VAV3: variants seen among roughly 807,000 people sequenced by gnomAD.
VAV3 encodes vav guanine nucleotide exchange factor 3, also known as guanine nucleotide exchange factor VAV3.
Under a neutral mutation model 131.2 loss-of-function variants are expected in VAV3, and 94 were observed. The ratio of observed to expected loss-of-function variants is 0.72; its 90% CI spans 0.61 to 0.85. The LOEUF (loss-of-function observed/expected upper bound fraction) is 0.85, where lower values mean the gene tolerates loss of function less well. Among genes scored for constraint, VAV3 ranks in the 40% least tolerant of loss-of-function variants. The probability of loss-of-function intolerance (pLI) is 0.00; values close to 1 mark genes in which losing one functional copy is unlikely to be tolerated. For missense variants in VAV3, 939 were observed against 1,002.7 expected, an observed-to-expected ratio of 0.94 and a Z score of 0.86; for synonymous variants, 349 against 342.0, an observed-to-expected ratio of 1.02 and a Z score of -0.22.
intron 25 of VAV3, among the ~76,000 whole-genome samples, chr1:107,579,672 T>C (rs1260061716): frequency 1.3e-5 from 2 of 152,256 alleles, no homozygotes; most frequent in Non-Finnish European, 2.9e-5. Context: ...CTGTTCTAAA[T>C]ACTGCCTCAC....
chr1:107,615,831 C>CAA, intron 21 of VAV3, among the ~76,000 whole-genome samples: 1 of 151,028 alleles, frequency 6.6e-6, no homozygotes, highest in Non-Finnish European at 1.5e-5. Context: ...TATAATTGGC[C>CAA]AAAAAAAATT....
chr1:107,728,488 G>A (rs1329111894), intron 15 of VAV3, among the ~76,000 whole-genome samples: 1 of 152,050 alleles, frequency 6.6e-6, no homozygotes, highest in Admixed American at 6.5e-5. Flanking sequence ...AATAGCAGGA[G>A]TGAGGGTGGG....
At chr1:107,612,733 T>G (rs759903824) in intron 21 of VAV3, among the ~76,000 whole-genome samples, 2 of 152,154 alleles carry the variant, frequency 1.3e-5, no homozygotes, top group Non-Finnish European at 2.9e-5. Context: ...TGGCTTTCCT[T>G]AAAGTTTATA....
intron 17 of VAV3, among the ~76,000 whole-genome samples, chr1:107,699,418 G>C (rs1659952289): frequency 6.6e-6 from 1 of 152,250 alleles, no homozygotes; most frequent in African/African-American, 2.4e-5. Flanking sequence ...TGGCGTTGCA[G>C]GGTACAGCCC....
chr1:107,828,983 C>T (rs1668129261), intron 2 of VAV3, among the ~76,000 whole-genome samples: 1 of 152,158 alleles, frequency 6.6e-6, no homozygotes, highest in Non-Finnish European at 1.5e-5. Flanking sequence ...CTATTTTATG[C>T]AGGTGAGTAA....
At chr1:107,934,082 A>T (rs993158174) in intron 1 of VAV3, among the ~76,000 whole-genome samples, 1 of 152,202 alleles carries the variant, frequency 6.6e-6, no homozygotes, top group African/African-American at 2.4e-5. Flanking sequence ...TTTAATTCTA[A>T]TCCAAGAAAT....
intron 18 of VAV3, among the ~76,000 whole-genome samples, chr1:107,684,750 A>C (rs1235945392): frequency 6.6e-6 from 1 of 152,224 alleles, no homozygotes; most frequent in East Asian, 1.9e-4. Context: ...TGTGAATGAA[A>C]GGAAAATTTT....
intron 1 of VAV3, among the ~76,000 whole-genome samples, chr1:107,877,837 C>T (rs1670576606): frequency 6.6e-6 from 1 of 152,096 alleles, no homozygotes; most frequent in South Asian, 2.1e-4. Flanking sequence ...CAAAATTTGA[C>T]TAAATTAGTG....
intron 2 of VAV3, among the ~76,000 whole-genome samples, chr1:107,844,960 G>A (rs1026038429): frequency 2.6e-5 from 4 of 152,164 alleles, no homozygotes; most frequent in African/African-American, 9.7e-5. Flanking sequence ...CTCTGCTAAG[G>A]GACAGACTGC....
chr1:107,766,870 G>C (rs563804335), intron 7 of VAV3, among the ~76,000 whole-genome samples: 9 of 152,032 alleles, frequency 5.9e-5, no homozygotes, highest in African/African-American at 2.2e-4. Context: ...CATGCAGATG[G>C]GAAACAGCAA....
At chr1:107,785,494 C>T (rs778937478) in intron 2 of VAV3, 4 of 1,320,436 alleles carry the variant, frequency 3.0e-6, no homozygotes, top group African/African-American at 3.1e-5. Flanking sequence ...CAGGCAGCTG[C>T]ATGCTAGAGC....
chr1:107,573,692 CATTCTTTCCAATTTACATCAG>C (rs1268390945), intron 26 of VAV3, among the ~76,000 whole-genome samples: 2 of 152,150 alleles, frequency 1.3e-5, no homozygotes, highest in African/African-American at 2.4e-5. Context: ...TACTATGTCC[CATTCTTTCCAATTTACATCAG>C]CAGTTCTTAT....
At chr1:107,656,878 T>C (rs1474605659) in intron 19 of VAV3, among the ~76,000 whole-genome samples, 2 of 151,708 alleles carry the variant, frequency 1.3e-5, no homozygotes, top group Non-Finnish European at 2.9e-5. Flanking sequence ...GCCTAACTTC[T>C]GACCTCAGCA....
At chr1:107,856,939 T>A (rs1669499890) in intron 2 of VAV3, among the ~76,000 whole-genome samples, 1 of 152,174 alleles carries the variant, frequency 6.6e-6, no homozygotes, top group Non-Finnish European at 1.5e-5. Context: ...CTTGGCAGGC[T>A]GAGGCAGGAG....
intron 2 of VAV3, among the ~76,000 whole-genome samples, chr1:107,855,232 C>G (rs1389245388): frequency 6.6e-6 from 1 of 151,938 alleles, no homozygotes; most frequent in Non-Finnish European, 1.5e-5. Context: ...TACTGTCTGT[C>G]ACAAAAAAGG....
intron 2 of VAV3, among the ~76,000 whole-genome samples, chr1:107,868,569 T>A (rs568867258): frequency 1.2e-4 from 18 of 152,234 alleles, no homozygotes; most frequent in Non-Finnish European, 2.2e-4. Flanking sequence ...ATCGATGATA[T>A]TTCTGGAATC....
At chr1:107,840,518 C>T (rs1449431813) in intron 2 of VAV3, among the ~76,000 whole-genome samples, 1 of 152,160 alleles carries the variant, frequency 6.6e-6, no homozygotes, top group Non-Finnish European at 1.5e-5. Flanking sequence ...AGCATTTAAC[C>T]ATTGGCACAC....
chr1:107,929,422 C>G (rs1418705265), intron 1 of VAV3, among the ~76,000 whole-genome samples: 2 of 151,762 alleles, frequency 1.3e-5, no homozygotes, highest in Non-Finnish European at 2.9e-5. Flanking sequence ...ACCTGTCCTA[C>G]AAGAAATGTT....
chr1:107,953,296 G>A (rs1156748228), intron 1 of VAV3, among the ~76,000 whole-genome samples: 1 of 152,156 alleles, frequency 6.6e-6, no homozygotes, highest in African/African-American at 2.4e-5. Context: ...GGGAGGCAGT[G>A]GGGAGAAGGA....
Sources: allele counts gnomAD v4.1 joint callset (sites outside exome capture counted in the v4.1 genomes callset), GRCh38; gene constraint gnomAD v4.1.1; transcripts MANE v1.5; gene names NCBI Gene and HGNC (gene_info 2026-07-23, HGNC 2026-07-21).